The following SLC24A4 variants were observed in gnomAD, a reference collection of about 807,000 sequenced individuals.
The protein encoded by SLC24A4 is solute carrier family 24 member 4, also known as sodium/potassium/calcium exchanger 4.
SLC24A4 carries 53 observed loss-of-function variants against 79.0 expected under a neutral mutation model. The ratio of observed to expected loss-of-function variants is 0.67; its 90% CI spans 0.54 to 0.84. SLC24A4 has a LOEUF of 0.84. Among genes scored for constraint, SLC24A4 ranks in the 40% least tolerant of loss-of-function variants. The pLI is 0.00. For missense variants in SLC24A4, 731 were observed against 822.0 expected (o/e 0.89, Z 1.35); for synonymous variants, 323 against 323.8 (o/e 1.00, Z 0.03).
chr14:92,461,264 A>G (rs777177032), intron 12 of SLC24A4, among the ~76,000 whole-genome samples: 23 of 152,202 alleles, frequency 1.5e-4, no homozygotes, highest in Non-Finnish European at 1.8e-4. Flanking sequence ...CTTCGTGGCC[A>G]CTTTTATTAT....
At chr14:92,491,812 C>A (rs1384221925) in intron 15 of SLC24A4, 35 bp downstream of exon 15, 1 of 1,530,630 alleles carries the variant, frequency 6.5e-7, no homozygotes, top group Non-Finnish European at 9.1e-7. Context: ...ATGTGTTTTA[C>A]CCAGAAGGCT....
chr14:92,332,798 T>C (rs1311360950), intron 2 of SLC24A4, among the ~76,000 whole-genome samples: 1 of 152,240 alleles, frequency 6.6e-6, no homozygotes, highest in Non-Finnish European at 1.5e-5. Context: ...AAAGATGATA[T>C]AATGCCTGTG....
In SLC24A4 at chr14:92,353,266, A is replaced by T. The variant is rs1040719166; in HGVS notation, c.241+27288A>T. On this transcript the variant is annotated intron_variant, in intron 2 of 16. Transcript: ENST00000532405. The surrounding 1 kb of genome is among the most constrained non-coding windows in gnomAD (Gnocchi z 4.1). ...GGCTAACCCAAGTCATTAATAATTA[A>T]ATGTTTCTTTTCCCATCCTTTAATC... Among the ~76,000 whole-genome samples, 1 of 152,232 alleles carries T rather than the reference A, an allele frequency of 6.6e-6. No individual in the cohort carries two copies. Among genetic ancestry groups the T allele is most frequent in the African/African-American group, 2.4e-5 (1 of 41,452 alleles).
At chr14:92,381,120 A>G (rs1354736137) in intron 2 of SLC24A4, among the ~76,000 whole-genome samples, 1 of 152,256 alleles carries the variant, frequency 6.6e-6, no homozygotes, top group Non-Finnish European at 1.5e-5. Flanking sequence ...TGCTATAAAG[A>G]CACATGCACA....
chr14:92,423,123 TATTTA>T (rs1472048516), intron 2 of SLC24A4, among the ~76,000 whole-genome samples: 107 of 142,766 alleles, frequency 7.5e-4, no homozygotes, highest in African/African-American at 2.5e-3. Context: ...TAATTTACTT[TATTTA>T]ATTTAATTTT....
intron 15 of SLC24A4, among the ~76,000 whole-genome samples, 171 bp from the exon 16 acceptor site, chr14:92,492,003 AG>A (rs1223891622): frequency 6.6e-6 from 1 of 152,150 alleles, no homozygotes; most frequent in African/African-American, 2.4e-5. Flanking sequence ...TCAGATGAGC[AG>A]GGTCGTGACT....
At chr14:92,428,432 G>A (rs1278191819) in intron 2 of SLC24A4, among the ~76,000 whole-genome samples, 1 of 152,196 alleles carries the variant, frequency 6.6e-6, no homozygotes, top group East Asian at 1.9e-4. Flanking sequence ...CTGAGGGGGA[G>A]GTTCATGGGA....
At chr14:92,491,182 C>T (rs76323681) in intron 14 of SLC24A4, among the ~76,000 whole-genome samples, 2,770 of 152,084 alleles carry the variant, frequency 0.018, 106 homozygotes, top group East Asian at 0.17. Flanking sequence ...ATATTTATCC[C>T]GCTATTTATT....
At chr14:92,379,660 G>T (rs1027818655) in intron 2 of SLC24A4, among the ~76,000 whole-genome samples, 1 of 152,112 alleles carries the variant, frequency 6.6e-6, no homozygotes, top group Non-Finnish European at 1.5e-5. Flanking sequence ...GGTGACTTCC[G>T]GGACACTGAC....
At chr14:92,383,925 C>G (rs2141717827) in intron 2 of SLC24A4, among the ~76,000 whole-genome samples, 1 of 152,348 alleles carries the variant, frequency 6.6e-6, no homozygotes, top group Non-Finnish European at 1.5e-5. Context: ...ACCACACTCG[C>G]CGTGGCGGGA....
chr14:92,365,174 C>T (rs1352155575), intron 2 of SLC24A4, among the ~76,000 whole-genome samples: 4 of 152,252 alleles, frequency 2.6e-5, no homozygotes, highest in African/African-American at 4.8e-5. Context: ...CCAGAGCGCC[C>T]GGAGGGCAAG....
chr14:92,424,558 GCT>G (rs143416730), intron 2 of SLC24A4, among the ~76,000 whole-genome samples: 2,753 of 152,100 alleles, frequency 0.018, 103 homozygotes, highest in African/African-American at 0.061. Flanking sequence ...GAAGAGAGAT[GCT>G]CTGTTTAACA....
At chr14:92,407,713 T>C (rs1183518539) in intron 2 of SLC24A4, among the ~76,000 whole-genome samples, 1 of 152,118 alleles carries the variant, frequency 6.6e-6, no homozygotes, top group Non-Finnish European at 1.5e-5. Flanking sequence ...CTCACTATCA[T>C]GAGAACAGCA....
intron 2 of SLC24A4, among the ~76,000 whole-genome samples, chr14:92,380,757 C>T (rs1475957690): frequency 1.3e-5 from 2 of 152,198 alleles, no homozygotes; most frequent in East Asian, 3.8e-4. Context: ...TGCCCCATGG[C>T]ATGGAGGGTG....
chr14:92,476,652 A>C (rs1894783414), intron 12 of SLC24A4, among the ~76,000 whole-genome samples: 1 of 152,158 alleles, frequency 6.6e-6, no homozygotes, highest in Non-Finnish European at 1.5e-5. Flanking sequence ...CCAATATATA[A>C]TTCTAGAATA....
intron 2 of SLC24A4, among the ~76,000 whole-genome samples, chr14:92,405,221 C>T (rs1476892325): frequency 6.6e-6 from 1 of 152,192 alleles, no homozygotes; most frequent in Non-Finnish European, 1.5e-5. Context: ...GCCAGGCAGA[C>T]CAGGTTGATC....
At chr14:92,333,117 A>C (rs1317747416) in intron 2 of SLC24A4, among the ~76,000 whole-genome samples, 1 of 152,104 alleles carries the variant, frequency 6.6e-6, no homozygotes, top group Non-Finnish European at 1.5e-5. Context: ...TTTTTTGGAC[A>C]GAGTCTCACC....
chr14:92,370,965 G>A (rs972673300), intron 2 of SLC24A4, among the ~76,000 whole-genome samples: 1 of 152,218 alleles, frequency 6.6e-6, no homozygotes, highest in African/African-American at 2.4e-5. Context: ...AGGTGTTCCA[G>A]CCTGGAATTC....
intron 2 of SLC24A4, among the ~76,000 whole-genome samples, chr14:92,350,707 A>G (rs1445343639): frequency 6.6e-6 from 1 of 152,244 alleles, no homozygotes; most frequent in Non-Finnish European, 1.5e-5. Flanking sequence ...GGAGATTAGC[A>G]GAGTACCTGA....
Sources: gnomAD v4.1 joint callset for allele counts (sites outside exome capture counted in the v4.1 genomes callset) on GRCh38, gnomAD v4.1.1 for gene constraint, Gnocchi (gnomAD v3.1) non-coding constraint, MANE v1.5 for transcripts, NCBI Gene and HGNC (gene_info 2026-07-23, HGNC 2026-07-21) for gene names.